The following ZFPM2 variants were observed in gnomAD, a reference collection of about 807,000 sequenced individuals.
ZFPM2 encodes the protein zinc finger protein ZFPM2.
In ZFPM2, 20 loss-of-function variants were observed where a neutral mutation model predicts 98.6. The observed-to-expected ratio is 0.20, with a 90% CI of 0.14 to 0.29. The LOEUF (loss-of-function observed/expected upper bound fraction) is 0.29. Ranked by LOEUF, ZFPM2 falls within the 10% of genes least tolerant of loss-of-function variation. The pLI, the probability that ZFPM2 is intolerant of heterozygous loss-of-function variation, is 1.00. For synonymous variants in ZFPM2, 518 were observed against 502.7 expected (o/e 1.03, Z -0.41); for missense variants, 1,310 against 1,388.6 (o/e 0.94, Z 0.90).
At chr8:105,424,281 C>T (rs1811862165) in intron 2 of ZFPM2, among the ~76,000 whole-genome samples, 1 of 151,972 alleles carries the variant, frequency 6.6e-6, no homozygotes, top group Non-Finnish European at 1.5e-5. Flanking sequence ...AAATAAAGGC[C>T]AGAAGGGAAA....
intron 3 of ZFPM2, among the ~76,000 whole-genome samples, chr8:105,531,962 G>A (rs11779187): frequency 0.12 from 18,169 of 152,000 alleles, 1,153 homozygotes; most frequent in East Asian, 0.16. Context: ...GTGCAGTGGT[G>A]TGATCTCAGC....
At position 105,803,508 on chromosome 8, in the gene ZFPM2, C is replaced by CTCA. The variant is rs1814111796; in HGVS notation, c.3430_3432dup (p.Ser1144dup). ...TTATAACTCACAAGAAGTTTTATTGCTCATCACATGCAGCAGAACATGTCA... is the reference window on the plus strand; with the variant it reads ...TTATAACTCACAAGAAGTTTTATTGCTCATCATCACATGCAGCAGAACATGTCA... On this transcript the variant is annotated inframe_insertion, in exon 8 of 8. Transcript: ENST00000407775. The CTCA allele has an allele frequency of 6.2e-7, 1 of 1,611,018 alleles. No individual in the cohort carries two copies. Among genetic ancestry groups the CTCA allele is most frequent in the Non-Finnish European group, 8.5e-7 (1 of 1,178,550 alleles).
At chr8:105,669,600 C>CCAT (rs1301844214) in intron 5 of ZFPM2, among the ~76,000 whole-genome samples, 1 of 151,050 alleles carries the variant, frequency 6.6e-6, no homozygotes, top group African/African-American at 2.4e-5. Context: ...CTGGTTGAAT[C>CCAT]CATCATTGTA....
intron 3 of ZFPM2, among the ~76,000 whole-genome samples, chr8:105,502,685 TAG>T (rs1813618852): frequency 6.6e-6 from 1 of 152,202 alleles, no homozygotes; most frequent in South Asian, 2.1e-4. Context: ...CCTTCTATGA[TAG>T]AGTGACAGGC....
At position 105,485,521 on chromosome 8, in the gene ZFPM2, A is replaced by AAAAG. The variant is rs1291680305; in HGVS notation, c.301+41152_301+41155dup. On this transcript the variant is annotated intron_variant, in intron 3 of 7. Coordinates refer to ENST00000407775, the MANE Select transcript of ZFPM2 (RefSeq NM_012082.4). ...TGACAGAGCGAGACTCTATCTCTATAAAAGAAAGAAAGAAATATTGTCATT... is the reference window on the plus strand; with the variant it reads ...TGACAGAGCGAGACTCTATCTCTATAAAAGAAAGAAAGAAAGAAATATTGTCATT... Among the ~76,000 whole-genome samples, 4 of 152,060 alleles carry AAAAG rather than the reference A, an allele frequency of 2.6e-5. No individual in the cohort carries two copies. In the East Asian group the frequency reaches 5.8e-4, roughly 22 times the overall value.
At chr8:105,531,754 C>A (rs1814302237) in intron 3 of ZFPM2, among the ~76,000 whole-genome samples, 1 of 152,092 alleles carries the variant, frequency 6.6e-6, no homozygotes, top group Admixed American at 6.6e-5. Flanking sequence ...TTTCCAAATT[C>A]TTACTAAAGA....
At chr8:105,657,199 C>T (rs1319442983) in intron 5 of ZFPM2, among the ~76,000 whole-genome samples, 1 of 151,990 alleles carries the variant, frequency 6.6e-6, no homozygotes, top group African/African-American at 2.4e-5. Flanking sequence ...AGTGCAATGA[C>T]ACAATCTCAG....
intron 2 of ZFPM2, among the ~76,000 whole-genome samples, chr8:105,422,541 T>C (rs1336613802): frequency 6.6e-6 from 1 of 152,182 alleles, no homozygotes; most frequent in African/African-American, 2.4e-5. Flanking sequence ...ATTGTTGATA[T>C]TTACTGGAAA....
intron 5 of ZFPM2, among the ~76,000 whole-genome samples, chr8:105,739,242 T>C (rs1812158337): frequency 6.6e-6 from 1 of 152,034 alleles, no homozygotes; most frequent in Non-Finnish European, 1.5e-5. Flanking sequence ...TAAGCAAAAG[T>C]CCCATTAAAG....
intron 5 of ZFPM2, among the ~76,000 whole-genome samples, chr8:105,723,189 G>A (rs1021582243): frequency 2.0e-5 from 3 of 151,558 alleles, no homozygotes; most frequent in Non-Finnish European, 4.4e-5. Context: ...TCTCTTTCAT[G>A]ATATTCTTGA....
chr8:105,333,386 C>A (rs919693969), intron 1 of ZFPM2, among the ~76,000 whole-genome samples: 8 of 151,680 alleles, frequency 5.3e-5, no homozygotes, highest in Non-Finnish European at 1.0e-4. Context: ...TCTGTTTGTG[C>A]TTAACTCATG....
chr8:105,322,914 C>T (rs529034222), intron 1 of ZFPM2, among the ~76,000 whole-genome samples: 4 of 151,906 alleles, frequency 2.6e-5, no homozygotes, highest in Non-Finnish European at 5.9e-5. Flanking sequence ...CTAACTTGCG[C>T]ATTGGCATTT....
chr8:105,682,282 C>A (rs2130923026), intron 5 of ZFPM2, among the ~76,000 whole-genome samples: 1 of 152,194 alleles, frequency 6.6e-6, no homozygotes, highest in South Asian at 2.1e-4. Context: ...AGAAAGGCAT[C>A]ATCATTCTCG....
chr8:105,510,525 T>A lies in ZFPM2; in HGVS notation c.302-50838T>A, dbSNP rs1448441446. Among the ~76,000 whole-genome samples, 51 of 152,042 alleles carry A rather than the reference T, an allele frequency of 3.4e-4. 1 individual carries two copies. The highest frequency in any genetic ancestry group is 7.4e-4 in the Non-Finnish European group (50 of 68,022). On this transcript the variant is annotated intron_variant, in intron 3 of 7. Transcript: ENST00000407775. ...TTCAGTCATGAAATAAAGTGACTGA[T>A]TATGGTTAAAATATGCAAAAGGTAT... is the stretch of plus-strand genomic sequence containing the variant.
chr8:105,418,849 A>C, intron 1 of ZFPM2: 1 of 541,088 alleles, frequency 1.8e-6, no homozygotes, highest in Non-Finnish European at 3.5e-6. Flanking sequence ...TTGCTCTTAA[A>C]GAGCGAATCA....
intron 1 of ZFPM2, among the ~76,000 whole-genome samples, chr8:105,345,265 T>C (rs1236147457): frequency 1.3e-5 from 2 of 152,134 alleles, no homozygotes; most frequent in Non-Finnish European, 2.9e-5. Context: ...CCGAATACTA[T>C]ACTTTCAGAC....
At chr8:105,434,405 T>C (rs1812081113) in intron 2 of ZFPM2, among the ~76,000 whole-genome samples, 1 of 152,218 alleles carries the variant, frequency 6.6e-6, no homozygotes, top group African/African-American at 2.4e-5. Flanking sequence ...TAAACTTTAA[T>C]GTCCTCGCCC....
chr8:105,654,876 A>G (rs1817252694), intron 5 of ZFPM2, among the ~76,000 whole-genome samples: 1 of 152,158 alleles, frequency 6.6e-6, no homozygotes, highest in Non-Finnish European at 1.5e-5. Context: ...AAATCAGAAA[A>G]TATTTTCTTC....
chr8:105,643,983 C>T (rs548903478), intron 5 of ZFPM2, among the ~76,000 whole-genome samples: 9 of 152,282 alleles, frequency 5.9e-5, no homozygotes, highest in Admixed American at 1.3e-4. Flanking sequence ...GCCACTTTCA[C>T]GTTATAACGT....
Sources: gnomAD v4.1 joint callset for allele counts (sites outside exome capture counted in the v4.1 genomes callset) on GRCh38, gnomAD v4.1.1 for gene constraint, MANE v1.5 for transcripts, NCBI Gene and HGNC (gene_info 2026-07-23, HGNC 2026-07-21) for gene names.